IL1RAPL2: variants seen among roughly 807,000 people sequenced by gnomAD.
IL1RAPL2 encodes interleukin 1 receptor accessory protein like 2.
In IL1RAPL2, 3 loss-of-function variants were observed where a neutral mutation model predicts 44.1. That is an observed-to-expected ratio of 0.07 (90% CI 0.03 to 0.18). The LOEUF is 0.18. Among genes scored for constraint, IL1RAPL2 ranks in the 10% least tolerant of loss-of-function variants. The probability of loss-of-function intolerance (pLI) is 1.00; values close to 1 mark genes in which losing one functional copy is unlikely to be tolerated. For synonymous variants in IL1RAPL2, 181 were observed against 178.8 expected (o/e 1.01, Z -0.10); for missense variants, 391 against 496.4 (o/e 0.79, Z 2.02).
At chrX:105,164,407 A>G (rs1308924642) in intron 2 of IL1RAPL2, among the ~76,000 whole-genome samples, 1 of 112,177 alleles carries the variant, frequency 8.9e-6, no homozygotes, top group Non-Finnish European at 1.9e-5. Flanking sequence ...CTTCAGTCTC[A>G]AGGAAACTGG....
chrX:105,081,802 C>T (rs1326196353), intron 2 of IL1RAPL2, among the ~76,000 whole-genome samples: 1 of 111,858 alleles, frequency 8.9e-6, no homozygotes, highest in African/African-American at 3.3e-5. Context: ...GTTGAACCAG[C>T]CTTGCATCCC....
intron 6 of IL1RAPL2, among the ~76,000 whole-genome samples, chrX:105,527,762 G>A (rs1353946683): frequency 1.8e-5 from 2 of 110,913 alleles, no homozygotes; most frequent in East Asian, 5.7e-4. Flanking sequence ...GGTGACAGTG[G>A]CAGGACTTTC....
chrX:104,908,500 TG>T (rs1216365075), intron 2 of IL1RAPL2, among the ~76,000 whole-genome samples: 1 of 111,115 alleles, frequency 9.0e-6, no homozygotes, highest in East Asian at 2.8e-4. Context: ...GCAGGCCTGG[TG>T]GTGACAAAAT....
At chrX:104,906,614 A>T (rs1356676346) in intron 2 of IL1RAPL2, among the ~76,000 whole-genome samples, 1 of 111,862 alleles carries the variant, frequency 8.9e-6, no homozygotes, top group East Asian at 2.8e-4. Flanking sequence ...ACATTTACTG[A>T]TTTGCATATA....
chrX:105,294,595 A>G (rs901780259), intron 5 of IL1RAPL2, among the ~76,000 whole-genome samples: 1 of 112,179 alleles, frequency 8.9e-6, no homozygotes, highest in Admixed American at 9.5e-5. Context: ...GTGTTTGATG[A>G]CTGGGAAAAT....
At chrX:104,777,898 C>A (rs1253550265) in intron 2 of IL1RAPL2, among the ~76,000 whole-genome samples, 15 of 111,184 alleles carry the variant, frequency 1.3e-4, no homozygotes, top group Non-Finnish European at 7.5e-5. Context: ...GGAGTTGCTG[C>A]ATCATATGGT....
intron 5 of IL1RAPL2, among the ~76,000 whole-genome samples, chrX:105,390,267 A>G (rs57435745): frequency 0.19 from 21,320 of 110,415 alleles, 5,058 homozygotes; most frequent in African/African-American, 0.67. Flanking sequence ...CCTGCCTCAA[A>G]TCCCACCATT....
intron 2 of IL1RAPL2, among the ~76,000 whole-genome samples, chrX:104,950,859 C>A (rs1162290172): frequency 9.0e-6 from 1 of 111,129 alleles, no homozygotes; most frequent in African/African-American, 3.3e-5. Context: ...AGGCGCCCGC[C>A]ACCTCGCCCG....
At chrX:105,205,336 C>A (rs1290071430) in intron 3 of IL1RAPL2, among the ~76,000 whole-genome samples, 1 of 108,887 alleles carries the variant, frequency 9.2e-6, no homozygotes, top group Non-Finnish European at 1.9e-5. Context: ...CACCTGTAAT[C>A]CCGGCACTTT....
intron 6 of IL1RAPL2, among the ~76,000 whole-genome samples, chrX:105,574,027 G>A (rs1169423982): frequency 9.0e-6 from 1 of 111,262 alleles, no homozygotes; most frequent in Non-Finnish European, 1.9e-5. Flanking sequence ...TTGCCCTTGA[G>A]TAAGTTAAAA....
chrX:104,976,626 C>A (rs1168124408), intron 2 of IL1RAPL2, among the ~76,000 whole-genome samples: 1 of 111,293 alleles, frequency 9.0e-6, no homozygotes, highest in East Asian at 2.8e-4. Context: ...CCTGGAACAA[C>A]CAGGGGTGTC....
At chrX:105,647,365 C>T (rs941851207) in intron 6 of IL1RAPL2, among the ~76,000 whole-genome samples, 6 of 111,931 alleles carry the variant, frequency 5.4e-5, no homozygotes, top group Admixed American at 9.4e-5. Context: ...GGGAGGGGAC[C>T]TAAAGGGGGT....
intron 10 of IL1RAPL2, among the ~76,000 whole-genome samples, chrX:105,764,802 T>G (rs1355733293): frequency 1.8e-5 from 2 of 110,713 alleles, no homozygotes; most frequent in African/African-American, 6.6e-5. Flanking sequence ...CAAGACTCTA[T>G]CTCAAAAAAA....
At chrX:105,624,581 G>A (rs1422571227) in intron 6 of IL1RAPL2, among the ~76,000 whole-genome samples, 1 of 111,177 alleles carries the variant, frequency 9.0e-6, no homozygotes, top group Non-Finnish European at 1.9e-5. Context: ...TGAAGAAAAG[G>A]CTATTCAGTG....
intron 2 of IL1RAPL2, among the ~76,000 whole-genome samples, chrX:105,164,716 C>G (rs1414908334): frequency 9.0e-6 from 1 of 111,709 alleles, no homozygotes; most frequent in African/African-American, 3.3e-5. Context: ...GGGAATCAGA[C>G]AGTGTGGGTT....
intron 2 of IL1RAPL2, among the ~76,000 whole-genome samples, chrX:105,145,796 A>G (rs754443638): frequency 9.9e-5 from 11 of 111,309 alleles, no homozygotes; most frequent in Non-Finnish European, 1.9e-4. Context: ...AAAAAATCCA[A>G]TCTCGGCTGT....
chrX:104,673,734 G>A (rs1259879275), intron 2 of IL1RAPL2, among the ~76,000 whole-genome samples: 1 of 108,932 alleles, frequency 9.2e-6, no homozygotes, highest in Non-Finnish European at 1.9e-5. Flanking sequence ...CCATGAGCAT[G>A]GAATGTTCTT....
chrX:104,582,959 G>T (rs1333013968), intron 1 of IL1RAPL2, among the ~76,000 whole-genome samples: 1 of 105,378 alleles, frequency 9.5e-6, no homozygotes, highest in African/African-American at 3.5e-5. Flanking sequence ...TGTGATATCG[G>T]CTCACTGCAG....
intron 2 of IL1RAPL2, among the ~76,000 whole-genome samples, chrX:104,781,810 GA>G (rs1369808589): frequency 8.9e-6 from 1 of 112,193 alleles, no homozygotes; most frequent in Non-Finnish European, 1.9e-5. Flanking sequence ...TGTCTAGCCA[GA>G]ATGCTGTGGT....
Sources: allele counts gnomAD v4.1 joint callset (sites outside exome capture counted in the v4.1 genomes callset), GRCh38; gene constraint gnomAD v4.1.1; transcripts MANE v1.5; gene names NCBI Gene and HGNC (gene_info 2026-07-23, HGNC 2026-07-21).